The following GAS6 variants were observed in gnomAD, a reference collection of about 807,000 sequenced individuals.
The protein encoded by GAS6 is growth arrest specific 6.
Under a neutral mutation model 75.8 loss-of-function variants are expected in GAS6, and 41 were observed. That is an observed-to-expected ratio of 0.54 (90% CI 0.42 to 0.70). GAS6 has a LOEUF of 0.70. Ranked by LOEUF, GAS6 falls within the 30% of genes least tolerant of loss-of-function variation. GAS6 has a pLI of 0.00. For missense variants in GAS6, 854 were observed against 940.2 expected (o/e 0.91, Z 1.20); for synonymous variants, 432 against 412.6 (o/e 1.05, Z -0.57).
chr13:113,826,393 A>G (rs1055151675), intron 12 of GAS6, among the ~76,000 whole-genome samples: 47 of 122,560 alleles, frequency 3.8e-4, no homozygotes, highest in African/African-American at 1.5e-3. Context: ...CCGGCCTCGC[A>G]GGCACCTTCT....
rs7400002 is a variant in GAS6, at chr13:113,821,971, A to G, written c.1869T>C (p.Ala623=). 0.27 allele frequency: 422,082 copies of G among 1,535,320 alleles called. 65,794 individuals are homozygous for G. Among genetic ancestry groups the G allele is most frequent in the South Asian group, 0.55 (45,584 of 83,444 alleles). ...RHLRSPVLTF[A]GGLPDVPVTS... is the part of the protein sequence containing the mutation. ...GGGAGCACCTACCTGGCAGGCCGCC[A>G]GCAAAGGTGAGCACGGGGCTCCGCA... The change falls in exon 14 of 15, where the codon GCT becomes GCC. Residue 623 remains alanine, a synonymous_variant. Coordinates refer to ENST00000327773, the MANE Select transcript of GAS6 (RefSeq NM_000820.4).
intron 2 of GAS6, among the ~76,000 whole-genome samples, chr13:113,858,950 G>C (rs2051943394): frequency 6.7e-6 from 1 of 149,630 alleles, no homozygotes; most frequent in Non-Finnish European, 1.5e-5. Context: ...TCATGCATGT[G>C]TGTACATGTC....
At chr13:113,826,950 TGAAG>T in intron 12 of GAS6, 42 bp downstream of exon 12, 1 of 1,505,802 alleles carries the variant, frequency 6.6e-7, no homozygotes, top group Non-Finnish European at 9.0e-7. Flanking sequence ...TATGCCTGTC[TGAAG>T]GTGCAGCCAC....
intron 7 of GAS6, 104 bp from the exon 8 acceptor site, chr13:113,834,776 G>A (rs2051680670): frequency 2.4e-6 from 3 of 1,238,530 alleles, no homozygotes; most frequent in Middle Eastern, 2.4e-4. Flanking sequence ...TGCGCTCAAG[G>A]AATTACATGC....
In GAS6 at chr13:113,844,030, G is replaced by C. The variant is rs2051813165; in HGVS notation, c.343+2497C>G. 6.6e-6 allele frequency: 1 copy of C among 150,806 alleles called. No homozygotes were observed. Among genetic ancestry groups the C allele is most frequent in the African/African-American group, 2.5e-5 (1 of 40,132 alleles). 9.3% of individuals were successfully genotyped at this position (150,806 alleles called of 1,614,324 possible). The stretch of plus-strand genomic sequence containing the variant: ...TTCTTCACCGCCAGGCATCTTTTGA[G>C]GCACGCGAACATCAGAGGCCCCAGC... On this transcript the variant is annotated intron_variant, in intron 4 of 14. Transcript: ENST00000327773. This position sits in a 1 kb window ranked among gnomAD's most constrained non-coding sequence, Gnocchi z 5.7.
chr13:113,852,933 T>C (rs7323938), intron 2 of GAS6, among the ~76,000 whole-genome samples: 75,769 of 151,990 alleles, frequency 0.5, 20,532 homozygotes, highest in African/African-American at 0.72. Context: ...GACCTCCCCA[T>C]GCCACCGCAG....
At position 113,848,008 on chromosome 13, in the gene GAS6, G is replaced by C; in HGVS notation, c.280+18C>G. 6.2e-7 allele frequency: 1 copy of C among 1,610,296 alleles called. No individual in the cohort carries two copies. The highest frequency in any genetic ancestry group is 1.3e-5 in the African/African-American group (1 of 74,820). On this transcript the variant is annotated intron_variant, in intron 3 of 14. Coordinates refer to ENST00000327773, the MANE Select transcript of GAS6 (RefSeq NM_000820.4). The surrounding 1 kb of genome is among the most constrained non-coding windows in gnomAD (Gnocchi z 4.8). ...ATGCCTCTACGACAACCAGAGTAGA[G>C]AAGTAATTGAGACTTACCTAAGTAT...
chr13:113,860,717 T>C (rs1008245385), intron 2 of GAS6, among the ~76,000 whole-genome samples: 2 of 151,568 alleles, frequency 1.3e-5, no homozygotes, highest in African/African-American at 4.9e-5. Context: ...CAAGGAGGCA[T>C]GTGGGGGTGG....
At position 113,822,171 on chromosome 13, in the gene GAS6, C is replaced by A. The variant is rs375892497; in HGVS notation, c.1669G>T (p.Val557Leu). The stretch of plus-strand genomic sequence containing the variant: ...ATTAGGGCCAAGGCCGTATGCTCCA[C>A]GGCCAGGACCACCAGCTGCAGGAGA... ...KLKKQLVVLA[V>L]EHTALALMEI... The change falls in exon 14 of 15, where the codon GTG (valine) becomes TTG (leucine). Residue 557 changes from valine (V) to leucine (L), a missense_variant. Transcript: ENST00000327773. The A allele has an allele frequency of 1.3e-6, 2 of 1,558,422 alleles. No individual in the cohort carries two copies. Among genetic ancestry groups the A allele is most frequent in the Non-Finnish European group, 1.7e-6 (2 of 1,146,982 alleles).
chr13:113,821,567 G>A, intron 14 of GAS6: 1 of 250,986 alleles, frequency 4.0e-6, no homozygotes. Context: ...ACATGGGAGG[G>A]GCTGGCGGTC....
At chr13:113,836,137 G>T in intron 6 of GAS6, 1 of 860,784 alleles carries the variant, frequency 1.2e-6, no homozygotes, top group Non-Finnish European at 1.4e-6. Flanking sequence ...GGTAGGAGGG[G>T]CAACCCTGAA....
Position 113,821,976 on chromosome 13 carries a change from A to G in GAS6, c.1864T>C (p.Phe622Leu), listed in dbSNP as rs1197796492. 6.5e-7 allele frequency: 1 copy of G among 1,539,598 alleles called. No individual in the cohort carries two copies. Among genetic ancestry groups the G allele is most frequent in the Non-Finnish European group, 8.7e-7 (1 of 1,144,694 alleles). Reference sequence around the variant, plus strand: ...CACCTACCTGGCAGGCCGCCAGCAAAGGTGAGCACGGGGCTCCGCAGGTGC... The same window carrying G: ...CACCTACCTGGCAGGCCGCCAGCAAGGGTGAGCACGGGGCTCCGCAGGTGC... ...ERHLRSPVLT[F>L]AGGLPDVPVT... The change falls in exon 14 of 15, where the codon TTT becomes CTT. Residue 622 changes from phenylalanine to leucine, a missense_variant. Phe to Leu is a conservative substitution (Grantham distance 22, BLOSUM62 0). Coordinates refer to ENST00000327773, the MANE Select transcript of GAS6 (RefSeq NM_000820.4).
chr13:113,841,479 C>T (rs2051775513), intron 4 of GAS6: 1 of 154,432 alleles, frequency 6.5e-6, no homozygotes, highest in Non-Finnish European at 1.4e-5. Flanking sequence ...CCAGTTTCCT[C>T]CATATGCCTC....
intron 12 of GAS6, among the ~76,000 whole-genome samples, chr13:113,823,980 C>T (rs1014378634): frequency 6.6e-6 from 1 of 152,116 alleles, no homozygotes; most frequent in African/African-American, 2.4e-5. Context: ...AGCACAGGGC[C>T]CAGTGGGGGC....
At position 113,835,608 on chromosome 13, in the gene GAS6, G is replaced by T. The variant is rs555084854; in HGVS notation, c.617C>A (p.Ala206Asp). The change falls in exon 7 of 15, where the codon GCC becomes GAC. Residue 206 changes from alanine to aspartate, a missense_variant. By Grantham distance (126) the Ala-to-Asp change is moderately radical. Coordinates refer to ENST00000327773, the MANE Select transcript of GAS6 (RefSeq NM_000820.4). ...QDIDECADSEACGEARCKNLP... is the reference protein window; with the variant it reads ...QDIDECADSEDCGEARCKNLP... ...GTTCTTGCAGCGCGCCTCCCCGCAG[G>T]CCTCCGAGTCTGCGCACTCGTCTAT... The T allele has an allele frequency of 6.2e-7, 1 of 1,612,180 alleles. No individual in the cohort carries two copies. The highest frequency in any genetic ancestry group is 1.7e-5 in the Admixed American group (1 of 60,014).
At position 113,834,274 on chromosome 13, in the gene GAS6, C is replaced by T. The variant is rs187505450; in HGVS notation, c.834+277G>A. Reference sequence around the variant, plus strand: ...TCGGTCACGTTGGCTCCCTGGCACGCGGCAGAGTGGGGACCGTGCCCCCGT... The same window carrying T: ...TCGGTCACGTTGGCTCCCTGGCACGTGGCAGAGTGGGGACCGTGCCCCCGT... On this transcript the variant is annotated intron_variant, in intron 8 of 14. Coordinates refer to ENST00000327773, the MANE Select transcript of GAS6 (RefSeq NM_000820.4). Among the ~76,000 whole-genome samples the T allele has an allele frequency of 7.1e-4, 108 of 152,166 alleles. 2 individuals are homozygous for T. In the East Asian group the frequency reaches 0.015, roughly 21 times the overall value.
At position 113,833,121 on chromosome 13, in the gene GAS6, C is replaced by G. The variant is rs970163831; in HGVS notation, c.835-369G>C. ...ATATGGATGCCTTGAAGATGGCTGT[C>G]CTGGAAAGTTCCCTGTTCTGGGCTG... On this transcript the variant is annotated intron_variant, in intron 8 of 14. Coordinates refer to ENST00000327773, the MANE Select transcript of GAS6 (RefSeq NM_000820.4). 6 of 1,172,248 alleles carry G rather than the reference C, an allele frequency of 5.1e-6. No homozygotes were observed. In the African/African-American group the frequency reaches 8.0e-5, roughly 16 times the overall value. 72.6% of individuals were successfully genotyped at this position (1,172,248 alleles called of 1,614,324 possible). A position where few individuals can be genotyped will look rare whatever the true frequency, so the allele number is the denominator to read the frequency against.
At chr13:113,860,684 GAGA>G (rs1025347087) in intron 2 of GAS6, among the ~76,000 whole-genome samples, 3 of 152,160 alleles carry the variant, frequency 2.0e-5, no homozygotes, top group Admixed American at 6.5e-5. Flanking sequence ...ACAAGATAAG[GAGA>G]AGGTCTGGGC....
chr13:113,835,763 C>T (rs1380347247), intron 6 of GAS6, 128 bp from the exon 7 acceptor site: 3 of 1,478,634 alleles, frequency 2.0e-6, no homozygotes, highest in East Asian at 2.4e-5. Flanking sequence ...GGCCAGCGCG[C>T]CCTGGCCCCA....
Sources: gnomAD v4.1 joint callset for allele counts (sites outside exome capture counted in the v4.1 genomes callset) on GRCh38, gnomAD v4.1.1 for gene constraint, Gnocchi (gnomAD v3.1) non-coding constraint, MANE v1.5 for transcripts, NCBI Gene and HGNC (gene_info 2026-07-23, HGNC 2026-07-21) for gene names.